The following SMIM36 variants were observed in gnomAD, a reference collection of about 807,000 sequenced individuals.
The protein encoded by SMIM36 is small integral membrane protein 36.
intron 4 of SMIM36, among the ~76,000 whole-genome samples, chr17:55,453,530 A>T (rs976181614): frequency 6.6e-6 from 1 of 152,310 alleles, no homozygotes; most frequent in East Asian, 1.9e-4. Flanking sequence ...GGTTGTTTTT[A>T]AAAATAATAG....
At chr17:55,529,662 C>T in the SMIM36 span, among the ~76,000 whole-genome samples, 2 of 151,150 alleles carry the variant, frequency 1.3e-5, no homozygotes, top group African/African-American at 4.9e-5. Context: ...TGTGGTGGCA[C>T]GTGCTTGTAG....
At chr17:55,529,234 C>A in the SMIM36 span, among the ~76,000 whole-genome samples, 2 of 152,184 alleles carry the variant, frequency 1.3e-5, no homozygotes, top group East Asian at 3.8e-4. Context: ...CAATACAAAG[C>A]AGAATATGGT....
chr17:55,476,778 G>C (rs1210029758), intron 3 of SMIM36, among the ~76,000 whole-genome samples: 1 of 152,080 alleles, frequency 6.6e-6, no homozygotes, highest in African/African-American at 2.4e-5. Flanking sequence ...TGTTGGCCAG[G>C]CTGGTCTTGA....
chr17:55,506,520 C>A (rs1598459071), intron 1 of SMIM36, among the ~76,000 whole-genome samples: 1 of 26,852 alleles, frequency 3.7e-5, no homozygotes, highest in African/African-American at 2.4e-4. Flanking sequence ...AACTGACTAG[C>A]CATATGTAGA....
chr17:55,460,554 G>A (rs1482040940), intron 4 of SMIM36, among the ~76,000 whole-genome samples: 1 of 151,648 alleles, frequency 6.6e-6, no homozygotes, highest in Admixed American at 6.6e-5. Flanking sequence ...TACCATTTAC[G>A]TAAATTTAAA....
chr17:55,474,321 C>T (rs1909391363), intron 3 of SMIM36, among the ~76,000 whole-genome samples: 1 of 152,180 alleles, frequency 6.6e-6, no homozygotes, highest in Non-Finnish European at 1.5e-5. Context: ...TGTGGAGCAT[C>T]CCTGCAGGGG....
chr17:55,467,405 T>C (rs1028684581), intron 3 of SMIM36, 77 bp from the exon 4 acceptor site: 2 of 152,156 alleles, frequency 1.3e-5, no homozygotes, highest in South Asian at 2.1e-4. Context: ...ACCATATTTT[T>C]TTTTTTTTTG....
the SMIM36 span, among the ~76,000 whole-genome samples, chr17:55,520,734 T>G: frequency 6.6e-6 from 1 of 152,200 alleles, no homozygotes; most frequent in African/African-American, 2.4e-5. Flanking sequence ...CTTAATATTT[T>G]CAGATTGTGT....
At chr17:55,485,965 T>G (rs1304006593) in intron 1 of SMIM36, among the ~76,000 whole-genome samples, 1 of 152,148 alleles carries the variant, frequency 6.6e-6, no homozygotes, top group Non-Finnish European at 1.5e-5. Flanking sequence ...TAGTATTAAT[T>G]CTTATGTGAC....
chr17:55,529,084 G>T, the SMIM36 span, among the ~76,000 whole-genome samples: 1 of 152,138 alleles, frequency 6.6e-6, no homozygotes, highest in African/African-American at 2.4e-5. Flanking sequence ...TTCTGGGTCT[G>T]TCTAGCACCA....
At chr17:55,449,860 T>C (rs1012805996) in exon 5 of SMIM36, 2 of 152,234 alleles carry the variant, frequency 1.3e-5, no homozygotes, top group African/African-American at 2.4e-5. Flanking sequence ...AATGGATACC[T>C]GAAAATATTA....
chr17:55,496,941 C>T (rs1024322663), intron 1 of SMIM36, among the ~76,000 whole-genome samples: 21 of 152,172 alleles, frequency 1.4e-4, no homozygotes, highest in South Asian at 2.1e-4. Context: ...ATAAAAATAA[C>T]GGTTCCTCCT....
upstream of SMIM36, among the ~76,000 whole-genome samples, chr17:55,513,606 G>A (rs1016179548): frequency 2.0e-5 from 3 of 152,188 alleles, no homozygotes; most frequent in Middle Eastern, 3.4e-3. Flanking sequence ...TTGCCCACTC[G>A]GGACTCTAGA....
intron 3 of SMIM36, among the ~76,000 whole-genome samples, chr17:55,469,251 A>G (rs1156282570): frequency 3.9e-5 from 6 of 152,110 alleles, no homozygotes; most frequent in African/African-American, 1.4e-4. Flanking sequence ...TTCCGCGACT[A>G]GCTCTTCCCC....
intron 3 of SMIM36, chr17:55,468,311 A>G (rs920370449): frequency 2.0e-5 from 3 of 152,634 alleles, no homozygotes; most frequent in Non-Finnish European, 4.4e-5. Flanking sequence ...CTGATTTCAA[A>G]TCGGGTAAGC....
intron 1 of SMIM36, among the ~76,000 whole-genome samples, chr17:55,495,445 GT>G (rs1484541028): frequency 6.6e-6 from 1 of 152,044 alleles, no homozygotes; most frequent in Non-Finnish European, 1.5e-5. Flanking sequence ...GTTTGGATTC[GT>G]TCATGAGACA....
chr17:55,501,690 A>G (rs1415264309), intron 1 of SMIM36, among the ~76,000 whole-genome samples: 1 of 143,434 alleles, frequency 7.0e-6, no homozygotes, highest in Non-Finnish European at 1.5e-5. Context: ...GGGTGTTTAT[A>G]TATAGTCCCA....
chr17:55,472,350 C>T (rs1238887786), intron 3 of SMIM36, among the ~76,000 whole-genome samples: 1 of 152,124 alleles, frequency 6.6e-6, no homozygotes, highest in Admixed American at 6.5e-5. Context: ...TGCTCTCTCT[C>T]GCTAAAGGAA....
intron 4 of SMIM36, among the ~76,000 whole-genome samples, chr17:55,465,603 C>A (rs999629349): frequency 6.6e-6 from 1 of 152,024 alleles, no homozygotes; most frequent in Non-Finnish European, 1.5e-5. Flanking sequence ...GATGACATTG[C>A]CTCAACACAT....
Sources: gnomAD v4.1 joint callset for allele counts (sites outside exome capture counted in the v4.1 genomes callset) on GRCh38, gnomAD v4.1.1 for gene constraint, MANE v1.5 for transcripts, NCBI Gene and HGNC (gene_info 2026-07-23, HGNC 2026-07-21) for gene names.